The following HECTD2 variants were observed in gnomAD, a reference collection of about 807,000 sequenced individuals.
The protein encoded by HECTD2 is HECT domain E3 ubiquitin protein ligase 2.
Under a neutral mutation model 103.2 loss-of-function variants are expected in HECTD2, and 35 were observed. The ratio of observed to expected loss-of-function variants is 0.34; its 90% confidence interval spans 0.26 to 0.45. The LOEUF (loss-of-function observed/expected upper bound fraction) is 0.45. HECTD2 is among the 20% of genes least tolerant of loss of function. HECTD2 has a pLI of 1.00. For missense variants in HECTD2, 596 were observed against 937.4 expected, an observed-to-expected ratio of 0.64 and a Z score of 4.76; for synonymous variants, 281 against 329.9, an observed-to-expected ratio of 0.85 and a Z score of 1.61.
At chr10:91,425,603 A>G (rs959107199) in intron 2 of HECTD2, among the ~76,000 whole-genome samples, 193 bp downstream of exon 2, 5 of 151,584 alleles carry the variant, frequency 3.3e-5, no homozygotes, top group African/African-American at 1.2e-4. Context: ...ATGAAATACA[A>G]AACTCGTGAA....
rs139241648 is a variant in HECTD2 at position 91,462,023 on chromosome 10, GTATGGT to G, written c.511-70_511-65del. 2.0e-3 allele frequency: 2,313 copies of G among 1,141,620 alleles called. 25 individuals are homozygous for G. The African/African-American group carries it at 0.029, about 14-fold the overall frequency. The allele number at this position is 1,141,620 out of a possible 1,614,324, so 70.7% of individuals were successfully genotyped here. A position where few individuals can be genotyped will look rare whatever the true frequency, so the allele number is the denominator to read the frequency against. ...AAATAATCAAAATTATGAAGGAATA[GTATGGT>G]TCAAATTTTACTAAGAATAGTCTTT... On this transcript the variant is annotated intron_variant, in intron 4 of 20. Transcript: ENST00000298068.
At chr10:91,409,921 G>A (rs1282489307), upstream of HECTD2, among the ~76,000 whole-genome samples, 1 of 152,184 alleles carries the variant, frequency 6.6e-6, no homozygotes, top group Non-Finnish European at 1.5e-5. Context: ...AGGGTAGTCT[G>A]TGCCTACGTC....
At chr10:91,440,287 G>A in intron 2 of HECTD2, among the ~76,000 whole-genome samples, 1 of 152,082 alleles carries the variant, frequency 6.6e-6, no homozygotes, top group East Asian at 1.9e-4. Context: ...TAGCATGAAT[G>A]GGGTGTTGAA....
intron 14 of HECTD2, among the ~76,000 whole-genome samples, chr10:91,495,590 C>T (rs1166423532): frequency 6.6e-6 from 1 of 152,004 alleles, no homozygotes; most frequent in African/African-American, 2.4e-5. Flanking sequence ...TTACATTCCA[C>T]CATATGACTA....
intron 2 of HECTD2, among the ~76,000 whole-genome samples, chr10:91,431,127 CT>C (rs1268660935): frequency 6.6e-6 from 1 of 151,584 alleles, no homozygotes; most frequent in African/African-American, 2.4e-5. Flanking sequence ...TTTATTTCTC[CT>C]TCACTTAGGA....
chr10:91,476,231 T>C (rs565785776), intron 5 of HECTD2, among the ~76,000 whole-genome samples: 1 of 152,228 alleles, frequency 6.6e-6, no homozygotes, highest in Admixed American at 6.5e-5. Flanking sequence ...AGGACTCAAA[T>C]GAAGGGATTG....
Position 91,487,867 on chromosome 10 carries a change from C to T in HECTD2, c.1191+89C>T. 1 of 805,866 alleles carries T rather than the reference C, an allele frequency of 1.2e-6. No individual in the cohort carries two copies. The highest frequency in any genetic ancestry group is 2.8e-5 in the East Asian group (1 of 35,818). The allele number at this position is 805,866 out of a possible 1,614,324, so 49.9% of individuals were successfully genotyped here. On this transcript the variant is annotated intron_variant, in intron 11 of 20. Coordinates refer to ENST00000298068, the MANE Select transcript of HECTD2 (RefSeq NM_182765.6). This position sits in a 1 kb window ranked among gnomAD's most constrained non-coding sequence, Gnocchi z 4.1. ...TAATTTAAATGTCTTGTGAATTGTT[C>T]TAGCATAATCAGGAATGTTAAAAGC...
intron 18 of HECTD2, 90 bp from the exon 19 acceptor site, chr10:91,500,389 TGATTTACTATGAGAAATCATGAC>T: frequency 2.0e-6 from 1 of 505,298 alleles, no homozygotes; most frequent in African/African-American, 2.0e-5. Flanking sequence ...AAAAATGGTT[TGATTTACTATGAGAAATCATGAC>T]TTTTGTGATT....
chr10:91,431,665 A>G (rs1360705749), intron 2 of HECTD2, among the ~76,000 whole-genome samples: 1 of 151,916 alleles, frequency 6.6e-6, no homozygotes, highest in Non-Finnish European at 1.5e-5. Context: ...CTTCCAGTTG[A>G]TCGCATCGGC....
At chr10:91,479,385 AAGT>A (rs1433377599) in intron 6 of HECTD2, among the ~76,000 whole-genome samples, 1 of 151,002 alleles carries the variant, frequency 6.6e-6, no homozygotes, top group African/African-American at 2.5e-5. Flanking sequence ...AAAAAGAAGA[AAGT>A]AAAAAATGTT....
intron 2 of HECTD2, among the ~76,000 whole-genome samples, chr10:91,458,009 A>G (rs1288661007): frequency 1.4e-5 from 2 of 146,636 alleles, no homozygotes; most frequent in Non-Finnish European, 3.0e-5. Flanking sequence ...TGCAGATGGC[A>G]TAATTGTCTA....
chr10:91,486,646 A>T (rs1310337150), intron 10 of HECTD2: 1 of 152,196 alleles, frequency 6.6e-6, no homozygotes, highest in Non-Finnish European at 1.5e-5. Flanking sequence ...TCTCTTGTGC[A>T]TAACAAGGGA....
At chr10:91,419,576 T>G (rs555035718) in intron 1 of HECTD2, among the ~76,000 whole-genome samples, 2 of 152,346 alleles carry the variant, frequency 1.3e-5, no homozygotes, top group East Asian at 3.9e-4. Context: ...TTCTGCTGTT[T>G]GCAACGTTTA....
In HECTD2 at chr10:91,429,188, T is replaced by C. The variant is rs1450641199; in HGVS notation, c.268+3778T>C. Among the ~76,000 whole-genome samples, 8 of 152,044 alleles carry C rather than the reference T, an allele frequency of 5.3e-5. No individual in the cohort carries two copies. The East Asian group carries it at 1.3e-3, about 26-fold the overall frequency. On this transcript the variant is annotated intron_variant, in intron 2 of 20. Transcript: ENST00000298068. ...TATATGCTGGATTACATTTATTGAT[T>C]TGCATATATTGAACCAGCCTTGCAT...
At chr10:91,499,898 A>G (rs1846827601) in intron 18 of HECTD2, among the ~76,000 whole-genome samples, 1 of 152,192 alleles carries the variant, frequency 6.6e-6, no homozygotes. Flanking sequence ...AACCTTTGTA[A>G]TATGTTTGTT....
chr10:91,429,726 C>G (rs1843749748), intron 2 of HECTD2, among the ~76,000 whole-genome samples: 6 of 152,054 alleles, frequency 3.9e-5, no homozygotes, highest in Admixed American at 3.9e-4. Context: ...GTGGTGATAT[C>G]CCCTTTATCA....
At chr10:91,410,662 GCGTTTAC>G in intron 1 of HECTD2, 86 bp downstream of exon 1, 1 of 1,235,920 alleles carries the variant, frequency 8.1e-7, no homozygotes, top group African/African-American at 1.6e-5. Context: ...CAGGAGGCCT[GCGTTTAC>G]CCTGGGCACG....
chr10:91,450,719 C>T (rs1844778978), intron 2 of HECTD2, among the ~76,000 whole-genome samples: 1 of 150,254 alleles, frequency 6.7e-6, no homozygotes, highest in African/African-American at 2.4e-5. Context: ...AGGATATGAA[C>T]AGACACTTCC....
At chr10:91,432,379 C>T (rs1244221131) in intron 2 of HECTD2, among the ~76,000 whole-genome samples, 1 of 151,936 alleles carries the variant, frequency 6.6e-6, no homozygotes, top group Non-Finnish European at 1.5e-5. Context: ...AATGCCTTTC[C>T]TCCCTGTGGA....
Sources: gnomAD v4.1 joint callset for allele counts (sites outside exome capture counted in the v4.1 genomes callset) on GRCh38, gnomAD v4.1.1 for gene constraint, Gnocchi (gnomAD v3.1) non-coding constraint, MANE v1.5 for transcripts, NCBI Gene and HGNC (gene_info 2026-07-23, HGNC 2026-07-21) for gene names.